The following MAP6 variants were observed in gnomAD, a reference collection of about 807,000 sequenced individuals.
MAP6 encodes the protein microtubule-associated protein 6.
Under a neutral mutation model 42.4 loss-of-function variants are expected in MAP6, and 26 were observed. The observed-to-expected ratio is 0.61, with a 90% CI of 0.45 to 0.85. The LOEUF is 0.85. Among genes scored for constraint, MAP6 ranks in the 40% least tolerant of loss-of-function variants. The probability of loss-of-function intolerance (pLI) is 0.00; values close to 1 mark genes in which losing one functional copy is unlikely to be tolerated. For missense variants in MAP6, 966 were observed against 1,099.0 expected (o/e 0.88, Z 1.71); for synonymous variants, 418 against 443.8 (o/e 0.94, Z 0.73).
chr11:75,589,583 G>A (rs927646226), intron 3 of MAP6, among the ~76,000 whole-genome samples: 1 of 152,178 alleles, frequency 6.6e-6, no homozygotes, highest in African/African-American at 2.4e-5. Context: ...CAAGTGATGG[G>A]GAAAGTGAGG....
chr11:75,668,233 G>A lies in MAP6; in HGVS notation c.137C>T (p.Pro46Leu), dbSNP rs550230646. ...ATEHPGAPPQPPPPQQQAQPA... is the reference protein window; with the variant it reads ...ATEHPGAPPQLPPPQQQAQPA... Reference sequence around the variant, plus strand: ...CTGCGCCTGCTGCTGCGGCGGCGGTGGCTGCGGCGGGGCGCCCGGGTGCTC... The same window carrying A: ...CTGCGCCTGCTGCTGCGGCGGCGGTAGCTGCGGCGGGGCGCCCGGGTGCTC... Residue 46 changes from proline to leucine, a missense_variant, in exon 1 of 4, where the codon CCA becomes CTA. By Grantham distance (98) the Pro-to-Leu change is moderately conservative. Transcript: ENST00000304771. 1.1e-5 allele frequency: 16 copies of A among 1,411,376 alleles called. No individual in the cohort carries two copies. In the South Asian group the frequency reaches 2.8e-4, roughly 24 times the overall value. 87.4% of individuals were successfully genotyped at this position (1,411,376 alleles called of 1,614,324 possible). A position where few individuals can be genotyped will look rare whatever the true frequency, so the allele number is the denominator to read the frequency against.
chr11:75,666,013 A>T (rs1425898133), intron 1 of MAP6, among the ~76,000 whole-genome samples: 1 of 152,150 alleles, frequency 6.6e-6, no homozygotes, highest in Non-Finnish European at 1.5e-5. Context: ...AGTATTGGTA[A>T]TGTTCACTGG....
intron 3 of MAP6, among the ~76,000 whole-genome samples, chr11:75,593,199 T>C (rs1356248282): frequency 2.0e-5 from 3 of 152,254 alleles, no homozygotes; most frequent in Non-Finnish European, 4.4e-5. Context: ...GTTTTGCACA[T>C]CATTGTATCC....
intron 3 of MAP6, among the ~76,000 whole-genome samples, chr11:75,588,804 G>C (rs1343812569): frequency 6.6e-6 from 1 of 152,184 alleles, no homozygotes; most frequent in Non-Finnish European, 1.5e-5. Context: ...TGTATAGAAT[G>C]AGCAGCATAT....
intron 1 of MAP6, among the ~76,000 whole-genome samples, chr11:75,646,451 C>T (rs185522005): frequency 4.2e-5 from 6 of 143,254 alleles, no homozygotes; most frequent in Non-Finnish European, 9.0e-5. Flanking sequence ...CACTTGAGCC[C>T]AGGAGTTCAA....
At chr11:75,617,225 G>A (rs947363750) in intron 1 of MAP6, among the ~76,000 whole-genome samples, 35 of 152,104 alleles carry the variant, frequency 2.3e-4, no homozygotes, top group Non-Finnish European at 4.7e-4. Context: ...AATGAAAACT[G>A]CTCAAACTAG....
intron 3 of MAP6, among the ~76,000 whole-genome samples, chr11:75,591,640 C>T (rs775242458): frequency 3.3e-5 from 5 of 152,198 alleles, no homozygotes; most frequent in Non-Finnish European, 5.9e-5. Context: ...AAATCTGGTG[C>T]CCTGGGTCAG....
At chr11:75,657,140 C>T (rs1385137350) in intron 1 of MAP6, among the ~76,000 whole-genome samples, 2 of 141,780 alleles carry the variant, frequency 1.4e-5, no homozygotes, top group Non-Finnish European at 3.0e-5. Context: ...GAGACGGAGT[C>T]TCGCTCTGTC....
intron 1 of MAP6, among the ~76,000 whole-genome samples, chr11:75,613,083 T>C (rs1224326054): frequency 1.3e-5 from 2 of 152,224 alleles, no homozygotes; most frequent in Non-Finnish European, 2.9e-5. Flanking sequence ...AGGACTCCAA[T>C]CCCTGCCTGT....
chr11:75,663,289 C>CT (rs1375933558), intron 1 of MAP6, among the ~76,000 whole-genome samples: 1 of 152,038 alleles, frequency 6.6e-6, no homozygotes, highest in Non-Finnish European at 1.5e-5. Context: ...AGGATTTGGA[C>CT]TTTAACTTGA....
intron 1 of MAP6, among the ~76,000 whole-genome samples, chr11:75,660,537 A>G (rs1943826502): frequency 6.6e-6 from 1 of 152,216 alleles, no homozygotes; most frequent in South Asian, 2.1e-4. Flanking sequence ...TCTTCTTTGC[A>G]TCTCAATTGG....
chr11:75,622,053 C>A (rs944779651), intron 1 of MAP6, among the ~76,000 whole-genome samples: 3 of 151,400 alleles, frequency 2.0e-5, no homozygotes, highest in African/African-American at 4.9e-5. Flanking sequence ...ACAACAACAA[C>A]AAAAAAACCC....
At chr11:75,595,559 C>T (rs1339953679) in intron 3 of MAP6, among the ~76,000 whole-genome samples, 2 of 152,196 alleles carry the variant, frequency 1.3e-5, no homozygotes, top group African/African-American at 2.4e-5. Flanking sequence ...GGAGTCTATA[C>T]CTCCAATGAT....
chr11:75,605,560 C>G (rs1243128557), intron 3 of MAP6: 2 of 1,288,364 alleles, frequency 1.6e-6, no homozygotes, highest in Non-Finnish European at 2.0e-6. Context: ...GGGGAGGGCA[C>G]AGCCAGCGGC....
chr11:75,587,113 G>C lies in MAP6; in HGVS notation c.2388C>G (p.Pro796=), dbSNP rs1942366800. Residue 796 remains proline (P), a synonymous_variant, in exon 4 of 4, where the codon CCC becomes CCG. Transcript: ENST00000304771. ...DPQLPTVSPL[P]RVMIPTAPHT... is the part of the protein sequence containing the mutation. ...GGGGGGCAGTTGGGATCATGACTCG[G>C]GGTAGAGGTGAGACAGTAGGTAGCT... The C allele has an allele frequency of 6.2e-7, 1 of 1,612,198 alleles. No homozygotes were observed. The highest frequency in any genetic ancestry group is 8.5e-7 in the Non-Finnish European group (1 of 1,178,548).
intron 2 of MAP6, chr11:75,607,771 G>T: frequency 1.6e-6 from 1 of 623,692 alleles, no homozygotes; most frequent in Non-Finnish European, 2.0e-6. Context: ...TGGGGCCCAA[G>T]CACATCTATT....
chr11:75,647,229 C>T (rs1328628251), intron 1 of MAP6, among the ~76,000 whole-genome samples: 1 of 151,178 alleles, frequency 6.6e-6, no homozygotes, highest in Non-Finnish European at 1.5e-5. Context: ...AAGTGATCCC[C>T]GCCTTGGCCT....
At chr11:75,621,509 C>A (rs980871739) in intron 1 of MAP6, among the ~76,000 whole-genome samples, 1 of 152,130 alleles carries the variant, frequency 6.6e-6, no homozygotes, top group African/African-American at 2.4e-5. Flanking sequence ...ATTCAACATT[C>A]TGTGACAGTC....
At chr11:75,596,954 C>T (rs1230837893) in intron 3 of MAP6, among the ~76,000 whole-genome samples, 1 of 152,226 alleles carries the variant, frequency 6.6e-6, no homozygotes, top group Non-Finnish European at 1.5e-5. Context: ...TACAGATAGT[C>T]CCAAGTGCTG....
Sources: gnomAD v4.1 joint callset for allele counts (sites outside exome capture counted in the v4.1 genomes callset) on GRCh38, gnomAD v4.1.1 for gene constraint, MANE v1.5 for transcripts, NCBI Gene and HGNC (gene_info 2026-07-23, HGNC 2026-07-21) for gene names.